Variants in RGS12 observed in about 807,000 individuals in gnomAD.
The protein encoded by RGS12 is regulator of G protein signaling 12, also known as regulator of G-protein signaling 12.
A neutral mutation model predicts 120.1 loss-of-function variants in RGS12; 66 were observed. The ratio of observed to expected loss-of-function variants is 0.55; its 90% CI spans 0.45 to 0.67. RGS12 has a LOEUF of 0.67. RGS12 is among the 30% of genes least tolerant of loss of function. The probability of loss-of-function intolerance (pLI) is 0.00; values close to 1 mark genes in which losing one functional copy is unlikely to be tolerated. For missense variants in RGS12, 1,859 were observed against 1,957.7 expected (o/e 0.95, Z 0.95); for synonymous variants, 827 against 804.7 (o/e 1.03, Z -0.47).
In RGS12 at chr4:3,425,289, A is replaced by G. The variant is rs1462746198; in HGVS notation, c.3235-175A>G. Among the ~76,000 whole-genome samples, 3 of 152,100 alleles carry G rather than the reference A, an allele frequency of 2.0e-5. No individual in the cohort carries two copies. The East Asian group carries it at 5.8e-4, about 29-fold the overall frequency. The stretch of plus-strand genomic sequence containing the variant: ...TGGTCGTGTAGTCGGGACCCATGTC[A>G]GGAGCATGGCTCAGCCCCAGCTTGT... On this transcript the variant is annotated intron_variant, in intron 13 of 17. Transcript: ENST00000336727.
At chr4:3,355,077 C>A (rs1186658706) in intron 3 of RGS12, among the ~76,000 whole-genome samples, 3 of 152,038 alleles carry the variant, frequency 2.0e-5, no homozygotes, top group African/African-American at 7.2e-5. Flanking sequence ...AAGGTGATTC[C>A]AGCAATTTAT....
chr4:3,339,221 A>G (rs1274526173), intron 2 of RGS12, among the ~76,000 whole-genome samples: 2 of 152,144 alleles, frequency 1.3e-5, no homozygotes, highest in African/African-American at 2.4e-5. Flanking sequence ...GGTGGCTCAC[A>G]CCTGTAATCT....
chr4:3,335,945 A>T (rs999084284), intron 2 of RGS12, among the ~76,000 whole-genome samples: 1 of 152,002 alleles, frequency 6.6e-6, no homozygotes, highest in African/African-American at 2.4e-5. Context: ...CAAAAAAATT[A>T]TCCGGGCATG....
At chr4:3,290,951 G>A (rs1033759453), upstream of RGS12, among the ~76,000 whole-genome samples, 6 of 152,208 alleles carry the variant, frequency 3.9e-5, no homozygotes, top group Non-Finnish European at 7.3e-5. Context: ...CACTTCTGGG[G>A]GCCCTGGCTT....
intron 17 of RGS12, 35 bp downstream of exon 17, chr4:3,430,990 C>G (rs780797713): frequency 8.0e-5 from 129 of 1,604,104 alleles, no homozygotes; most frequent in Non-Finnish European, 1.1e-4. Flanking sequence ...ACCTTGGCCC[C>G]GTAAGCGTGG....
Position 3,306,254 on chromosome 4 carries a change from C to T in RGS12, c.-101-9816C>T, listed in dbSNP as rs558930659. On this transcript the variant is annotated intron_variant, in intron 1 of 17. Transcript: ENST00000336727. The stretch of plus-strand genomic sequence containing the variant: ...ACAGCAGGCTTGCCTTGGACAGAAG[C>T]GGAAGGAGGAGCTGGCTGGCTGGAG... Among the ~76,000 whole-genome samples the T allele has an allele frequency of 1.6e-4, 24 of 152,300 alleles. No homozygotes were observed. In the South Asian group the frequency reaches 3.7e-3, roughly 24 times the overall value.
chr4:3,315,351 A>T (rs1724669398), intron 1 of RGS12, among the ~76,000 whole-genome samples: 1 of 152,218 alleles, frequency 6.6e-6, no homozygotes, highest in South Asian at 2.1e-4. Context: ...ATGACAACCA[A>T]TACTTTTATA....
At chr4:3,386,791 A>G (rs548258654) in intron 4 of RGS12, among the ~76,000 whole-genome samples, 8 of 152,352 alleles carry the variant, frequency 5.3e-5, no homozygotes, top group Admixed American at 3.3e-4. Context: ...CAGCAAGTTA[A>G]GATTTCAAAG....
chr4:3,345,360 C>T (rs754235817), intron 3 of RGS12, among the ~76,000 whole-genome samples: 1 of 152,238 alleles, frequency 6.6e-6, no homozygotes, highest in Non-Finnish European at 1.5e-5. Flanking sequence ...GTTTTTAATA[C>T]AAGTGACTCC....
At chr4:3,339,399 T>A (rs1712816688) in intron 2 of RGS12, among the ~76,000 whole-genome samples, 1 of 152,176 alleles carries the variant, frequency 6.6e-6, no homozygotes, top group Non-Finnish European at 1.5e-5. Flanking sequence ...GGAGGATCAC[T>A]TGAGCCTGGG....
rs754602046 is a variant in RGS12, at chr4:3,430,459, T to C, written c.3618T>C (p.Arg1206=). Residue 1206 remains arginine (R), a synonymous_variant, in exon 17 of 18, where the codon CGT becomes CGC. Transcript: ENST00000336727. ...KAQSNRADDQ[R]GLLRKEDLVL... ...AGAGCAACAGAGCAGATGACCAACGTGGGCTGCTAAGGAAGGAAGACCTGG... is the reference window on the plus strand; with the variant it reads ...AGAGCAACAGAGCAGATGACCAACGCGGGCTGCTAAGGAAGGAAGACCTGG... 6.8e-6 allele frequency: 11 copies of C among 1,613,884 alleles called. No individual in the cohort carries two copies. The highest frequency in any genetic ancestry group is 2.2e-5 in the East Asian group (1 of 44,886).
chr4:3,305,195 T>TA (rs1560641836), intron 1 of RGS12, among the ~76,000 whole-genome samples: 1 of 152,224 alleles, frequency 6.6e-6, no homozygotes, highest in Non-Finnish European at 1.5e-5. Flanking sequence ...AGCCATGGTC[T>TA]TTTGAAAACC....
intron 1 of RGS12, chr4:3,314,894 C>T (rs753464585): frequency 6.6e-6 from 1 of 152,204 alleles, no homozygotes; most frequent in African/African-American, 2.4e-5. Context: ...GGACGGTGCC[C>T]ACCACCCTCA....
chr4:3,423,792 GCCATC>G, intron 13 of RGS12, 151 bp downstream of exon 13: 3 of 919,588 alleles, frequency 3.3e-6, no homozygotes, highest in Non-Finnish European at 4.8e-6. Flanking sequence ...GACAGCCTCT[GCCATC>G]CCCAGTTCTC....
At chr4:3,303,931 ATTCATGT>A (rs545334462) in intron 1 of RGS12, among the ~76,000 whole-genome samples, 75 of 152,272 alleles carry the variant, frequency 4.9e-4, no homozygotes, top group Middle Eastern at 3.4e-3. Flanking sequence ...TCCCCTAATC[ATTCATGT>A]TTGCCATACT....
Position 3,439,626 on chromosome 4 carries a change from C to G in RGS12, c.4286C>G (p.Pro1429Arg). The G allele has an allele frequency of 6.3e-7, 1 of 1,598,770 alleles. No homozygotes were observed. The highest frequency in any genetic ancestry group is 1.7e-4 in the Middle Eastern group (1 of 5,990). Residue 1429 changes from proline to arginine, a missense_variant, in exon 18 of 18, where the codon CCC (proline) becomes CGC (arginine). Pro to Arg is a moderately radical substitution (Grantham distance 103). Coordinates refer to ENST00000336727, the MANE Select transcript of RGS12 (RefSeq NM_001394154.1). ...ACATCAGACCTCCCTGGCTTGGGCC[C>G]CGTCCCGGGTGAGCCTGCTAAGCCC... ...PPTSDLPGLG[P>R]VPGEPAKPKT...
chr4:3,319,598 C>G (rs1444166144), intron 2 of RGS12, among the ~76,000 whole-genome samples: 1 of 152,146 alleles, frequency 6.6e-6, no homozygotes, highest in Non-Finnish European at 1.5e-5. Context: ...GCACTTGCTA[C>G]CATGCCTGGC....
At chr4:3,377,109 G>T (rs1280520200) in intron 3 of RGS12, among the ~76,000 whole-genome samples, 1 of 150,864 alleles carries the variant, frequency 6.6e-6, no homozygotes, top group Admixed American at 6.6e-5. Flanking sequence ...TTTTCTTCCA[G>T]CAGGAAGGGA....
At chr4:3,287,432 C>A in the RGS12 span, among the ~76,000 whole-genome samples, 3 of 152,158 alleles carry the variant, frequency 2.0e-5, no homozygotes, top group Admixed American at 6.5e-5. Context: ...TGCCAAGCTT[C>A]GGTTCTTTGA....
Sources: allele counts gnomAD v4.1 joint callset (sites outside exome capture counted in the v4.1 genomes callset), GRCh38; gene constraint gnomAD v4.1.1; transcripts MANE v1.5; gene names NCBI Gene and HGNC (gene_info 2026-07-23, HGNC 2026-07-21).